Variants in WDR25 observed in about 807,000 individuals in gnomAD.
WDR25 encodes WD repeat domain 25.
In WDR25, 35 loss-of-function variants were observed where a neutral mutation model predicts 47.7. The observed-to-expected ratio is 0.73, with a 90% CI of 0.56 to 0.97. WDR25 has a LOEUF of 0.97. Among genes scored for constraint, WDR25 ranks in the 50% least tolerant of loss-of-function variants. WDR25 has a pLI of 0.00. For missense variants in WDR25, 634 were observed against 704.7 expected (o/e 0.90, Z 1.14); for synonymous variants, 248 against 278.9 (o/e 0.89, Z 1.10).
At chr14:100,436,686 G>A (rs377742800) in intron 2 of WDR25, among the ~76,000 whole-genome samples, 1 of 152,200 alleles carries the variant, frequency 6.6e-6, no homozygotes, top group Non-Finnish European at 1.5e-5. Context: ...TGTCCTGTGT[G>A]TCAGTCTCCT....
intron 4 of WDR25, among the ~76,000 whole-genome samples, chr14:100,486,120 C>T (rs1364729783): frequency 6.6e-6 from 1 of 151,550 alleles, no homozygotes; most frequent in African/African-American, 2.4e-5. Flanking sequence ...AACATTTGAA[C>T]GTGCCTTGTG....
chr14:100,400,686 C>G (rs576035509), intron 2 of WDR25, among the ~76,000 whole-genome samples: 2 of 152,224 alleles, frequency 1.3e-5, no homozygotes, highest in Non-Finnish European at 2.9e-5. Flanking sequence ...AAGGCACTTT[C>G]CATCTGTGGC....
Position 100,500,638 on chromosome 14 carries a change from C to T in WDR25, c.1101+16514C>T, listed in dbSNP as rs996032470. 6.6e-6 allele frequency among the ~76,000 whole-genome samples: 1 copy of T among 152,162 alleles called. No homozygotes were observed. The highest frequency in any genetic ancestry group is 1.5e-5 in the Non-Finnish European group (1 of 68,022). The stretch of plus-strand genomic sequence containing the variant: ...CAGTTTTGACGCTGGCTCAGCCAAG[C>T]GAGCCTCACCATCTCCATCTCTGTT... On this transcript the variant is annotated intron_variant, in intron 4 of 6. Transcript: ENST00000402312. This position sits in a 1 kb window ranked among gnomAD's most constrained non-coding sequence, Gnocchi z 4.7.
At chr14:100,528,231 TATG>T (rs546471131) in intron 5 of WDR25, among the ~76,000 whole-genome samples, 66 of 152,214 alleles carry the variant, frequency 4.3e-4, no homozygotes, top group African/African-American at 1.4e-3. Flanking sequence ...CAATATTAAG[TATG>T]ATTGGGCTGA....
intron 2 of WDR25, among the ~76,000 whole-genome samples, chr14:100,382,428 G>A (rs1896926654): frequency 6.6e-6 from 1 of 152,200 alleles, no homozygotes; most frequent in Admixed American, 6.5e-5. Flanking sequence ...CTGGGAGCTG[G>A]CTTCAAGCAT....
intron 2 of WDR25, among the ~76,000 whole-genome samples, chr14:100,382,584 C>G (rs771524048): frequency 6.6e-6 from 1 of 152,130 alleles, no homozygotes; most frequent in African/African-American, 2.4e-5. Context: ...AATGTAGTCC[C>G]CCAGTATGGA....
intron 1 of WDR25, among the ~76,000 whole-genome samples, chr14:100,378,457 A>G (rs1476639222): frequency 6.6e-6 from 1 of 152,068 alleles, no homozygotes; most frequent in Non-Finnish European, 1.5e-5. Context: ...ATGAGCCACT[A>G]TGCCCTGCCC....
At chr14:100,459,157 T>C (rs930112743) in intron 2 of WDR25, among the ~76,000 whole-genome samples, 4 of 152,040 alleles carry the variant, frequency 2.6e-5, no homozygotes, top group Admixed American at 6.6e-5. Flanking sequence ...CAGAGAAAAA[T>C]TGCAAATTAC....
At chr14:100,390,085 C>T (rs1266446697) in intron 2 of WDR25, among the ~76,000 whole-genome samples, 1 of 152,146 alleles carries the variant, frequency 6.6e-6, no homozygotes, top group East Asian at 1.9e-4. Flanking sequence ...CTGTCATAAA[C>T]TTTCAAATTG....
At chr14:100,451,450 G>T (rs932708283) in intron 2 of WDR25, among the ~76,000 whole-genome samples, 2 of 152,082 alleles carry the variant, frequency 1.3e-5, no homozygotes, top group Non-Finnish European at 2.9e-5. Flanking sequence ...GAACTCCTGG[G>T]CTCAAACGAT....
At chr14:100,493,337 G>T (rs548185939) in intron 4 of WDR25, among the ~76,000 whole-genome samples, 8 of 152,282 alleles carry the variant, frequency 5.3e-5, no homozygotes, top group African/African-American at 1.4e-4. Context: ...TGTCTGTATA[G>T]ATTTGTCTGT....
At chr14:100,459,894 G>A (rs12590489) in intron 2 of WDR25, among the ~76,000 whole-genome samples, 26 of 78,282 alleles carry the variant, frequency 3.3e-4, no homozygotes, top group South Asian at 1.2e-3. Flanking sequence ...GTGTGTGTGT[G>A]TATATATATA....
intron 4 of WDR25, among the ~76,000 whole-genome samples, chr14:100,516,300 C>T (rs1037631525): frequency 6.6e-6 from 1 of 152,128 alleles, no homozygotes; most frequent in Non-Finnish European, 1.5e-5. Context: ...TCAAGGTTTT[C>T]CCCCTCTGAC....
chr14:100,439,310 G>A (rs960102971), intron 2 of WDR25, among the ~76,000 whole-genome samples: 1 of 152,228 alleles, frequency 6.6e-6, no homozygotes, highest in Non-Finnish European at 1.5e-5. Context: ...CCTCGGTGAC[G>A]AAGCTGCTGT....
intron 4 of WDR25, among the ~76,000 whole-genome samples, chr14:100,516,618 TC>T (rs1315557442): frequency 6.6e-6 from 1 of 152,236 alleles, no homozygotes; most frequent in Admixed American, 6.5e-5. Context: ...TTCATTGTAT[TC>T]CTCTTATTCC....
intron 4 of WDR25, among the ~76,000 whole-genome samples, chr14:100,505,056 A>C (rs1009846914): frequency 6.6e-6 from 1 of 152,160 alleles, no homozygotes; most frequent in African/African-American, 2.4e-5. Context: ...GTATTTGCCT[A>C]TATAAATTTA....
At chr14:100,413,453 G>A (rs1595513779) in intron 2 of WDR25, among the ~76,000 whole-genome samples, 3 of 148,322 alleles carry the variant, frequency 2.0e-5, no homozygotes, top group South Asian at 4.2e-4. Context: ...TCGCTCTGTC[G>A]CCCAGGCTGG....
At chr14:100,422,514 C>A (rs565680655) in intron 2 of WDR25, among the ~76,000 whole-genome samples, 2 of 152,164 alleles carry the variant, frequency 1.3e-5, no homozygotes, top group Non-Finnish European at 2.9e-5. Context: ...AGTTGGTAGA[C>A]CTGTTTTCAT....
In WDR25 at chr14:100,502,050, C is replaced by T. The variant is rs1352702532; in HGVS notation, c.1101+17926C>T. Among the ~76,000 whole-genome samples the T allele has an allele frequency of 2.6e-5, 4 of 152,202 alleles. No individual in the cohort carries two copies. Among genetic ancestry groups the T allele is most frequent in the East Asian group, 1.9e-4 (1 of 5,178 alleles). On this transcript the variant is annotated intron_variant, in intron 4 of 6. Coordinates refer to ENST00000402312, the MANE Select transcript of WDR25 (RefSeq NM_001161476.3). The surrounding 1 kb of genome is among the most constrained non-coding windows in gnomAD (Gnocchi z 4.5). ...CTATTCCCCATCCCTCCCCGGGTCC[C>T]GTGACCTGTCCCCAGACAGCTCTTT...
Sources: allele counts gnomAD v4.1 joint callset (sites outside exome capture counted in the v4.1 genomes callset), GRCh38; gene constraint gnomAD v4.1.1; non-coding constraint Gnocchi (gnomAD v3.1); transcripts MANE v1.5; gene names NCBI Gene and HGNC (gene_info 2026-07-23, HGNC 2026-07-21).